PEDS1: variants seen among roughly 807,000 people sequenced by gnomAD.
The protein encoded by PEDS1 is plasmanylethanolamine desaturase 1.
Under a neutral mutation model 35.2 loss-of-function variants are expected in PEDS1, and 14 were observed. That is an observed-to-expected ratio of 0.40 (90% CI 0.26 to 0.62). The LOEUF is 0.62. Among genes scored for constraint, PEDS1 ranks in the 20% least tolerant of loss-of-function variants. The pLI, the probability that PEDS1 is intolerant of heterozygous loss-of-function variation, is 0.44. For synonymous variants in PEDS1, 152 were observed against 152.0 expected (o/e 1.00, Z 0.00); for missense variants, 260 against 367.8 (o/e 0.71, Z 2.40).
At chr20:50,147,699 T>C (rs2081359757) in intron 1 of PEDS1, among the ~76,000 whole-genome samples, 1 of 152,218 alleles carries the variant, frequency 6.6e-6, no homozygotes, top group Non-Finnish European at 1.5e-5. Flanking sequence ...TCCATCTCTC[T>C]TTGGCCTCTG....
chr20:50,153,567 C>G lies in PEDS1; in HGVS notation c.71G>C (p.Trp24Ser). Residue 24 changes from tryptophan (W) to serine (S), a missense_variant, in exon 1 of 6, where the codon TGG (tryptophan) becomes TCG (serine). By Grantham distance (177) the Trp-to-Ser change is radical. Around this residue, in one of 4 missense-constraint regions of PEDS1, gnomAD observed 114 missense variants for 121.6 expected, o/e 0.94. Coordinates refer to ENST00000371652, the MANE Select transcript of PEDS1 (RefSeq NM_199129.4). ...LDEDEASCCR[W>S]GAQHAGAREL... ...GCGGGCCCCGGCGTGCTGCGCGCCC[C>G]AGCGGCAACAAGACGCCTCGTCCTC... 7.0e-7 allele frequency: 1 copy of G among 1,435,906 alleles called. No homozygotes were observed. The highest frequency in any genetic ancestry group is 9.2e-7 in the Non-Finnish European group (1 of 1,088,724). 88.9% of individuals were successfully genotyped at this position (1,435,906 alleles called of 1,614,324 possible). A position where few individuals can be genotyped will look rare whatever the true frequency, so the allele number is the denominator to read the frequency against.
Position 50,128,928 on chromosome 20 carries a change from G to C in PEDS1, c.478+618C>G, listed in dbSNP as rs910469595. On this transcript the variant is annotated intron_variant, in intron 4 of 5. Coordinates refer to ENST00000371652, the MANE Select transcript of PEDS1 (RefSeq NM_199129.4). This position sits in a 1 kb window ranked among gnomAD's most constrained non-coding sequence, Gnocchi z 5.2. Reference sequence around the variant, plus strand: ...AGGGGCTGGGTGCACCCCCAGGGAAGGGGATGGGCAGGGTGCCATAGCACC... The same window carrying C: ...AGGGGCTGGGTGCACCCCCAGGGAACGGGATGGGCAGGGTGCCATAGCACC... Among the ~76,000 whole-genome samples the C allele has an allele frequency of 6.6e-6, 1 of 152,228 alleles. No individual in the cohort carries two copies. The highest frequency in any genetic ancestry group is 2.4e-5 in the African/African-American group (1 of 41,460).
intron 2 of PEDS1, among the ~76,000 whole-genome samples, chr20:50,133,680 G>A (rs918506798): frequency 6.6e-6 from 1 of 152,174 alleles, no homozygotes; most frequent in African/African-American, 2.4e-5. Context: ...GCTCCTCCTC[G>A]GCCTTCTTGC....
intron 1 of PEDS1, among the ~76,000 whole-genome samples, chr20:50,152,313 G>A (rs573454138): frequency 1.3e-5 from 2 of 152,326 alleles, no homozygotes; most frequent in South Asian, 2.1e-4. Flanking sequence ...AGGTGCTAGT[G>A]ACCCCAGGCC....
In PEDS1 at chr20:50,129,427, G is replaced by A. The variant is rs991118013; in HGVS notation, c.478+119C>T. 10 of 1,401,724 alleles carry A rather than the reference G, an allele frequency of 7.1e-6. No homozygotes were observed. Among genetic ancestry groups the A allele is most frequent in the Non-Finnish European group, 9.4e-6 (10 of 1,058,750 alleles). The allele number at this position is 1,401,724 out of a possible 1,614,324, so 86.8% of individuals were successfully genotyped here. On this transcript the variant is annotated intron_variant, in intron 4 of 5. Transcript: ENST00000371652. The surrounding 1 kb of genome is among the most constrained non-coding windows in gnomAD (Gnocchi z 4.2). Reference sequence around the variant, plus strand: ...TTTCCTGATTTTACATGAAGACAATGAATGAAAACTCTTTTAAAATACCAT... The same window carrying A: ...TTTCCTGATTTTACATGAAGACAATAAATGAAAACTCTTTTAAAATACCAT...
In PEDS1 at chr20:50,129,694, GAGTTGAGGGGGACACAGCCCC is replaced by G; in HGVS notation, c.334-25_334-5del. 6.2e-7 allele frequency: 1 copy of G among 1,613,816 alleles called. No individual in the cohort carries two copies. The highest frequency in any genetic ancestry group is 8.5e-7 in the Non-Finnish European group (1 of 1,179,974). On this transcript the variant is annotated splice_region_variant and splice_polypyrimidine_tract_variant and intron_variant, in intron 3 of 5. Coordinates refer to ENST00000371652, the MANE Select transcript of PEDS1 (RefSeq NM_199129.4). This position sits in a 1 kb window ranked among gnomAD's most constrained non-coding sequence, Gnocchi z 4.2. ...CCCGGAAGGGTCGGATGAAAGCCTG[GAGTTGAGGGGGACACAGCCCC>G]AGCAGTCAGCCTAAGGTGGTCAGCT...
chr20:50,131,092 G>A (rs931678830), intron 2 of PEDS1, 145 bp from the exon 3 acceptor site: 4 of 1,550,150 alleles, frequency 2.6e-6, no homozygotes, highest in Non-Finnish European at 2.6e-6. Flanking sequence ...CTTCCCTGAA[G>A]ATGGAGCCTC....
At chr20:50,143,087 A>G (rs1390172860) in intron 2 of PEDS1, among the ~76,000 whole-genome samples, 2 of 152,088 alleles carry the variant, frequency 1.3e-5, no homozygotes, top group African/African-American at 2.4e-5. Flanking sequence ...CCAGCTAGCC[A>G]TGTGGAGACT....
Position 50,130,852 on chromosome 20 carries a change from T to C in PEDS1, c.333+4A>G. The C allele has an allele frequency of 6.2e-7, 1 of 1,613,828 alleles. No homozygotes were observed. Among genetic ancestry groups the C allele is most frequent in the Non-Finnish European group, 8.5e-7 (1 of 1,179,938 alleles). The stretch of plus-strand genomic sequence containing the variant: ...TGAGGACATGGTTAGGTCAACATAC[T>C]CACCTTCCCCACAATGGGCAGCTCC... On this transcript the variant is annotated splice_donor_region_variant and intron_variant, in intron 3 of 5. Transcript: ENST00000371652.
chr20:50,133,442 C>T (rs1047927346), intron 2 of PEDS1, among the ~76,000 whole-genome samples: 11 of 152,134 alleles, frequency 7.2e-5, no homozygotes, highest in African/African-American at 1.7e-4. Context: ...TGCACAGTGG[C>T]TGGGCTGAGG....
intron 2 of PEDS1, among the ~76,000 whole-genome samples, chr20:50,135,764 C>G (rs961930966): frequency 6.6e-6 from 1 of 152,006 alleles, no homozygotes; most frequent in Non-Finnish European, 1.5e-5. Context: ...GAGCTGCCTC[C>G]TATCAGCAGA....
At chr20:50,144,441 A>G (rs1000101479) in intron 1 of PEDS1, among the ~76,000 whole-genome samples, 4 of 152,180 alleles carry the variant, frequency 2.6e-5, no homozygotes, top group African/African-American at 9.7e-5. Flanking sequence ...TTCATGGACA[A>G]ATAGGGCTCT....
chr20:50,148,196 A>C (rs1430178180), intron 1 of PEDS1, among the ~76,000 whole-genome samples: 1 of 152,236 alleles, frequency 6.6e-6, no homozygotes, highest in Non-Finnish European at 1.5e-5. Flanking sequence ...TCCTGGAGCT[A>C]GGGACCCTCT....
intron 5 of PEDS1, among the ~76,000 whole-genome samples, chr20:50,127,181 C>T (rs2081115850): frequency 6.6e-6 from 1 of 152,164 alleles, no homozygotes; most frequent in African/African-American, 2.4e-5. Flanking sequence ...TCCCTGACCA[C>T]CCGATTTAAG....
intron 1 of PEDS1, among the ~76,000 whole-genome samples, chr20:50,152,089 A>T (rs2081410639): frequency 6.6e-6 from 1 of 152,158 alleles, no homozygotes; most frequent in Non-Finnish European, 1.5e-5. Flanking sequence ...CCCCCAGGAG[A>T]GCAGGAGGTT....
Position 50,121,527 on chromosome 20 carries a change from G to T in PEDS1, c.*3531C>A, listed in dbSNP as rs2081050868. 1 of 152,324 alleles carries T rather than the reference G, an allele frequency of 6.6e-6. No homozygotes were observed. The highest frequency in any genetic ancestry group is 2.1e-4 in the South Asian group (1 of 4,830). 9.4% of individuals were successfully genotyped at this position (152,324 alleles called of 1,614,324 possible). A position where few individuals can be genotyped will look rare whatever the true frequency, so the allele number is the denominator to read the frequency against. On this transcript the variant is annotated 3_prime_UTR_variant, in exon 6 of 6. Coordinates refer to ENST00000371652, the MANE Select transcript of PEDS1 (RefSeq NM_199129.4). ...CATGCCAGAGCTCTCTGCACAGTCT[G>T]GTGCAAAGTTAAGTGCTCAGTAATA...
chr20:50,147,312 G>A lies in PEDS1; in HGVS notation c.122-3691C>T, dbSNP rs77165151. 9.7e-3 allele frequency among the ~76,000 whole-genome samples: 1,477 copies of A among 152,280 alleles called. 8 individuals carry two copies. The highest frequency in any genetic ancestry group is 0.016 in the Non-Finnish European group (1,071 of 68,030). The stretch of plus-strand genomic sequence containing the variant: ...ACAACACAGGGCTCTGGCCACCCTA[G>A]GCCTAAACAATAAGTAATAGCTGCC... On this transcript the variant is annotated intron_variant, in intron 1 of 5. Transcript: ENST00000371652.
At chr20:50,133,112 G>T (rs1187798174) in intron 2 of PEDS1, among the ~76,000 whole-genome samples, 3 of 152,172 alleles carry the variant, frequency 2.0e-5, no homozygotes, top group Non-Finnish European at 4.4e-5. Context: ...TGTGGAGACT[G>T]CAGAAAAGCC....
In PEDS1 at chr20:50,128,145, C is replaced by G. The variant is rs2081131549; in HGVS notation, c.521G>C (p.Cys174Ser). ...QLYPWECFVFCLIIFGTFTNQ... is the reference protein window; with the variant it reads ...QLYPWECFVFSLIIFGTFTNQ... ...GGTGAAGGTGCCGAAGATGATCAGG[C>G]AGAAGACGAAGCACTCCCAGGGGTA... The change falls in exon 5 of 6, where the codon TGC becomes TCC. Residue 174 changes from cysteine (C) to serine (S), a missense_variant. Cys to Ser is a moderately radical substitution (Grantham distance 112, BLOSUM62 -1). Coordinates refer to ENST00000371652, the MANE Select transcript of PEDS1 (RefSeq NM_199129.4). This position sits in a 1 kb window ranked among gnomAD's most constrained non-coding sequence, Gnocchi z 5.2. The G allele has an allele frequency of 6.2e-7, 1 of 1,613,956 alleles. No homozygotes were observed. Among genetic ancestry groups the G allele is most frequent in the Admixed American group, 1.7e-5 (1 of 59,994 alleles).
Sources: gnomAD v4.1 joint callset for allele counts (sites outside exome capture counted in the v4.1 genomes callset) on GRCh38, gnomAD v4.1.1 for gene constraint, gnomAD v4.1.1 regional missense constraint, Gnocchi (gnomAD v3.1) non-coding constraint, MANE v1.5 for transcripts, NCBI Gene and HGNC (gene_info 2026-07-23, HGNC 2026-07-21) for gene names.